KARS1: variants seen among roughly 807,000 people sequenced by gnomAD.
KARS1 encodes lysyl-tRNA synthetase 1.
In KARS1, 50 loss-of-function variants were observed where a neutral mutation model predicts 63.9. The ratio of observed to expected loss-of-function variants is 0.78; its 90% CI spans 0.62 to 0.99. The LOEUF is 0.99. KARS1 is among the 50% of genes least tolerant of loss of function. The probability of loss-of-function intolerance (pLI) is 0.00; values close to 1 mark genes in which losing one functional copy is unlikely to be tolerated. For missense variants in KARS1, 816 were observed against 754.5 expected (o/e 1.08, Z -0.95); for synonymous variants, 320 against 264.6 (o/e 1.21, Z -2.03).
chr16:75,632,096 G>T (rs1424035200), intron 7 of KARS1, among the ~76,000 whole-genome samples: 1 of 152,018 alleles, frequency 6.6e-6, no homozygotes, highest in African/African-American at 2.4e-5. Flanking sequence ...CTCTGTATTG[G>T]TCAGGCTGGT....
chr16:75,628,794 G>A, intron 12 of KARS1, 82 bp from the exon 13 acceptor site: 1 of 1,441,330 alleles, frequency 6.9e-7, no homozygotes, highest in Non-Finnish European at 9.8e-7. Context: ...AGGCTCCGAG[G>A]TGGGAGTACC....
At chr16:75,635,572 GC>G (rs2082152293) in intron 6 of KARS1, 107 bp downstream of exon 6, 2 of 1,220,918 alleles carry the variant, frequency 1.6e-6, no homozygotes, top group Admixed American at 3.5e-5. Flanking sequence ...TTCTCATTAG[GC>G]ATGAAGGATC....
chr16:75,641,439 C>A (rs1301178912), intron 2 of KARS1, 125 bp downstream of exon 2: 3 of 781,518 alleles, frequency 3.8e-6, no homozygotes, highest in Non-Finnish European at 4.3e-6. Context: ...GGGAGACCCT[C>A]CCTTATCCCT....
At chr16:75,632,888 A>T (rs2082127509) in intron 7 of KARS1, among the ~76,000 whole-genome samples, 1 of 152,204 alleles carries the variant, frequency 6.6e-6, no homozygotes, top group South Asian at 2.1e-4. Context: ...TAATAACTGA[A>T]CAGGCTGAAG....
intron 11 of KARS1, 67 bp downstream of exon 11, chr16:75,630,356 G>T: frequency 9.6e-7 from 1 of 1,039,362 alleles, no homozygotes; most frequent in Non-Finnish European, 1.5e-6. Context: ...ACAAAATCTT[G>T]ACAATAAATT....
chr16:75,644,470 G>A, intron 1 of KARS1: 1 of 1,575,316 alleles, frequency 6.3e-7, no homozygotes. Context: ...CACCTAGCGG[G>A]AAACACAGAG....
At chr16:75,640,153 A>C in intron 3 of KARS1, 31 bp downstream of exon 3, 1 of 1,600,994 alleles carries the variant, frequency 6.2e-7, no homozygotes, top group Non-Finnish European at 8.6e-7. Context: ...CTGCTGTGGG[A>C]GTTCAGTGAT....
intron 10 of KARS1, 46 bp from the exon 11 acceptor site, chr16:75,630,554 A>C (rs1221296453): frequency 8.1e-7 from 1 of 1,228,584 alleles, no homozygotes; most frequent in Non-Finnish European, 1.2e-6. Flanking sequence ...TCTGAATAGT[A>C]TTTGATCGTC....
chr16:75,646,125 A>G (rs567946649), intron 1 of KARS1, among the ~76,000 whole-genome samples: 1 of 152,318 alleles, frequency 6.6e-6, no homozygotes, highest in Admixed American at 6.5e-5. Context: ...ACTTTTATGG[A>G]AGTCCATCGG....
chr16:75,642,390 C>T (rs374397128), intron 1 of KARS1, among the ~76,000 whole-genome samples: 2 of 151,600 alleles, frequency 1.3e-5, no homozygotes, highest in African/African-American at 4.8e-5. Flanking sequence ...TTTAGTGAGA[C>T]GAGGTTTCAC....
intron 3 of KARS1, among the ~76,000 whole-genome samples, chr16:75,636,806 CT>C (rs896067290): frequency 3.8e-4 from 55 of 144,526 alleles, no homozygotes; most frequent in Admixed American, 4.2e-4. Flanking sequence ...GCTAATTTTT[CT>C]TTTTTTTTTT....
intron 6 of KARS1, 105 bp from the exon 7 acceptor site, chr16:75,634,397 A>C (rs1193713333): frequency 2.6e-6 from 3 of 1,164,270 alleles, no homozygotes; most frequent in Admixed American, 3.9e-5. Context: ...CCCCAAACTA[A>C]ATGTTAATAA....
Position 75,629,547 on chromosome 16 carries a change from G to A in KARS1, c.1425-6C>T, listed in dbSNP as rs2082088763. ...GACCCTCTTTAGAGCGGTGCCTAGG[G>A]ACAGGAGACCAAAGAGGAGGCTGAA... On this transcript the variant is annotated splice_region_variant and splice_polypyrimidine_tract_variant and intron_variant, in intron 11 of 13. Coordinates refer to ENST00000302445, the MANE Select transcript of KARS1 (RefSeq NM_005548.3). 3 of 1,613,796 alleles carry A rather than the reference G, an allele frequency of 1.9e-6. No homozygotes were observed. Among genetic ancestry groups the A allele is most frequent in the African/African-American group, 1.3e-5 (1 of 74,934 alleles).
At chr16:75,644,314 G>A (rs1387971938) in intron 1 of KARS1, 9 of 1,606,558 alleles carry the variant, frequency 5.6e-6, no homozygotes, top group Non-Finnish European at 7.7e-6. Context: ...TTGTCCTTGT[G>A]AGGCGCTGTG....
chr16:75,630,522 C>T lies in KARS1; in HGVS notation c.1339-14G>A. ...CTCCCCAACAAGCTTAATGAGAAAG[C>T]AAAGCAGAGTCAGTCACCATTTCTG... On this transcript the variant is annotated splice_polypyrimidine_tract_variant and intron_variant, in intron 10 of 13. Coordinates refer to ENST00000302445, the MANE Select transcript of KARS1 (RefSeq NM_005548.3). 3.9e-6 allele frequency: 6 copies of T among 1,539,146 alleles called. No homozygotes were observed. Among genetic ancestry groups the T allele is most frequent in the Non-Finnish European group, 5.4e-6 (6 of 1,112,362 alleles).
chr16:75,643,911 C>G (rs1308847300), intron 1 of KARS1, among the ~76,000 whole-genome samples: 2 of 152,132 alleles, frequency 1.3e-5, no homozygotes, highest in Non-Finnish European at 2.9e-5. Flanking sequence ...TAAATCAAAT[C>G]AATCTTAAGG....
At chr16:75,633,234 T>C (rs1162236284) in intron 7 of KARS1, among the ~76,000 whole-genome samples, 1 of 152,204 alleles carries the variant, frequency 6.6e-6, no homozygotes, top group Non-Finnish European at 1.5e-5. Flanking sequence ...CCTCTCTTGG[T>C]GTGCAGGTGA....
chr16:75,627,760 C>T lies in KARS1; in HGVS notation c.*135G>A, dbSNP rs933212240. 3 of 709,698 alleles carry T rather than the reference C, an allele frequency of 4.2e-6. No homozygotes were observed. Among genetic ancestry groups the T allele is most frequent in the East Asian group, 2.6e-5 (1 of 38,132 alleles). 44.0% of individuals were successfully genotyped at this position (709,698 alleles called of 1,614,324 possible). ...CAGGATTAAAAAGAAATTTTTAATT[C>T]CTTGTCTCTCTTCTGATGGCTGAAC... On this transcript the variant is annotated 3_prime_UTR_variant, in exon 14 of 14. Transcript: ENST00000302445.
Position 75,636,048 on chromosome 16 carries a change from C to T in KARS1, c.533G>A (p.Arg178Gln), listed in dbSNP as rs201230388. Residue 178 changes from arginine to glutamine, a missense_variant, in exon 5 of 14, where the codon CGG (arginine) becomes CAG (glutamine). Physicochemically the swap from Arg to Gln is conservative, Grantham distance 43. Transcript: ENST00000302445. ...EFIHINNKLR[R>Q]GDIIGVQGNP... is the part of the protein sequence containing the mutation. ...CCCCTGAACTCCAATTATGTCTCCC[C>T]GACGCAGTTTGTTATTAATATGAAT... 2.1e-5 allele frequency: 33 copies of T among 1,607,800 alleles called. No individual in the cohort carries two copies. Among genetic ancestry groups the T allele is most frequent in the East Asian group, 4.5e-5 (2 of 44,842 alleles).
Sources: allele counts gnomAD v4.1 joint callset (sites outside exome capture counted in the v4.1 genomes callset), GRCh38; gene constraint gnomAD v4.1.1; transcripts MANE v1.5; gene names NCBI Gene and HGNC (gene_info 2026-07-23, HGNC 2026-07-21).